Variants in NALF1 observed in about 807,000 individuals in gnomAD.
NALF1 encodes NALCN channel auxiliary factor 1.
Under a neutral mutation model 48.4 loss-of-function variants are expected in NALF1, and 3 were observed. That is an observed-to-expected ratio of 0.06 (90% CI 0.03 to 0.16). The LOEUF (loss-of-function observed/expected upper bound fraction) is 0.16. NALF1 is among the 10% of genes least tolerant of loss of function. The probability of loss-of-function intolerance (pLI) is 1.00; values close to 1 mark genes in which losing one functional copy is unlikely to be tolerated. For missense variants in NALF1, 526 were observed against 571.5 expected, an observed-to-expected ratio of 0.92 and a Z score of 0.81; for synonymous variants, 262 against 245.7, an observed-to-expected ratio of 1.07 and a Z score of -0.62.
intron 1 of NALF1, among the ~76,000 whole-genome samples, chr13:107,795,410 A>C (rs1017018938): frequency 6.6e-6 from 1 of 152,114 alleles, no homozygotes; most frequent in African/African-American, 2.4e-5. Flanking sequence ...CTTAACACAG[A>C]GATTGGAAAG....
rs141413670 is a variant in NALF1, at chr13:107,402,321, C to T, written c.916-191566G>A. On this transcript the variant is annotated intron_variant, in intron 1 of 2. Transcript: ENST00000375915. ...CCAACTACCCAGAAGAACCAAAATCCTGCTAGCAACCACAGAGCTTGGGAA... is the reference window on the plus strand; with the variant it reads ...CCAACTACCCAGAAGAACCAAAATCTTGCTAGCAACCACAGAGCTTGGGAA... Among the ~76,000 whole-genome samples the T allele has an allele frequency of 4.1e-4, 62 of 152,290 alleles. 1 individual carries two copies. In the South Asian group the frequency reaches 9.1e-3, roughly 22 times the overall value.
chr13:107,493,250 T>C (rs1394562186), intron 1 of NALF1, among the ~76,000 whole-genome samples: 8 of 151,806 alleles, frequency 5.3e-5, no homozygotes, highest in Admixed American at 4.6e-4. Context: ...GGAAAAGGAG[T>C]TGTCTGGAAA....
At chr13:107,507,851 T>A (rs912839363) in intron 1 of NALF1, among the ~76,000 whole-genome samples, 1 of 152,160 alleles carries the variant, frequency 6.6e-6, no homozygotes, top group Non-Finnish European at 1.5e-5. Flanking sequence ...CTGCATTAAG[T>A]AGAAGACTAA....
At chr13:107,516,127 G>C (rs1055287755) in intron 1 of NALF1, among the ~76,000 whole-genome samples, 5 of 152,174 alleles carry the variant, frequency 3.3e-5, no homozygotes, top group African/African-American at 1.2e-4. Flanking sequence ...GAAGCTCTTA[G>C]GTATGAACTG....
intron 1 of NALF1, among the ~76,000 whole-genome samples, chr13:107,489,052 A>T (rs1397134306): frequency 6.6e-6 from 1 of 152,202 alleles, no homozygotes; most frequent in Admixed American, 6.5e-5. Context: ...ATACGTAGGA[A>T]TACAGTTAAC....
chr13:107,250,586 T>C (rs553205604), intron 1 of NALF1, among the ~76,000 whole-genome samples: 90 of 152,302 alleles, frequency 5.9e-4, no homozygotes, highest in South Asian at 1.9e-3. Flanking sequence ...TTCTTTGCTG[T>C]AATTTTCAGA....
chr13:107,668,239 T>C (rs539955935), intron 1 of NALF1, among the ~76,000 whole-genome samples: 77 of 152,206 alleles, frequency 5.1e-4, no homozygotes, highest in Middle Eastern at 6.8e-3. Flanking sequence ...GGTTTAAAGA[T>C]GGGAAAATAG....
chr13:107,254,062 A>AAAAAAAAAAATATAT lies in NALF1; in HGVS notation c.916-43308_916-43307insATATATTTTTTTTTT. Among the ~76,000 whole-genome samples, 314 of 138,668 alleles carry AAAAAAAAAAATATAT rather than the reference A, an allele frequency of 2.3e-3. 5 individuals are homozygous for AAAAAAAAAAATATAT. Among genetic ancestry groups the AAAAAAAAAAATATAT allele is most frequent in the African/African-American group, 8.3e-3 (306 of 37,052 alleles). 91.0% of individuals were successfully genotyped at this position (138,668 alleles called of 152,430 possible). ...AGATGTTTAAGGGAGCAAGTACTAA[A>AAAAAAAAAAATATAT]ATATATATATATATATTAAGCACAC... On this transcript the variant is annotated intron_variant, in intron 1 of 2. Coordinates refer to ENST00000375915, the MANE Select transcript of NALF1 (RefSeq NM_001080396.3).
chr13:107,594,973 CATA>C (rs1217881040), intron 1 of NALF1, among the ~76,000 whole-genome samples: 5 of 151,970 alleles, frequency 3.3e-5, no homozygotes, highest in African/African-American at 1.2e-4. Context: ...CTTTCAGATC[CATA>C]GTTTATCTTT....
intron 1 of NALF1, among the ~76,000 whole-genome samples, chr13:107,807,687 A>G (rs1878843996): frequency 6.6e-6 from 1 of 152,236 alleles, no homozygotes; most frequent in African/African-American, 2.4e-5. Context: ...CTCTCTCATT[A>G]ACAGGCTGTC....
At chr13:107,744,199 T>A (rs1414561582) in intron 1 of NALF1, among the ~76,000 whole-genome samples, 1 of 152,160 alleles carries the variant, frequency 6.6e-6, no homozygotes, top group Admixed American at 6.5e-5. Flanking sequence ...CAGTGTGAGA[T>A]CTTGCAAGCT....
At chr13:107,842,752 T>A (rs1880076202) in intron 1 of NALF1, among the ~76,000 whole-genome samples, 2 of 152,108 alleles carry the variant, frequency 1.3e-5, no homozygotes, top group Non-Finnish European at 2.9e-5. Flanking sequence ...AATTCCTTTA[T>A]CTTTCATCAG....
chr13:107,254,412 G>C (rs1388160371), intron 1 of NALF1, among the ~76,000 whole-genome samples: 1 of 152,210 alleles, frequency 6.6e-6, no homozygotes, highest in African/African-American at 2.4e-5. Context: ...ACGATCTGCA[G>C]GGCTGGAGGA....
intron 1 of NALF1, among the ~76,000 whole-genome samples, chr13:107,658,768 A>G (rs937996187): frequency 6.6e-6 from 1 of 152,044 alleles, no homozygotes; most frequent in African/African-American, 2.4e-5. Context: ...ACTTCTTACC[A>G]GTGTTATTAA....
chr13:107,214,337 A>G (rs985488605), intron 1 of NALF1, among the ~76,000 whole-genome samples: 1 of 152,254 alleles, frequency 6.6e-6, no homozygotes, highest in Non-Finnish European at 1.5e-5. Context: ...GTCTTATTTC[A>G]TAAGAACTAT....
intron 1 of NALF1, among the ~76,000 whole-genome samples, chr13:107,405,056 G>C (rs1328873004): frequency 1.3e-5 from 2 of 151,880 alleles, no homozygotes; most frequent in East Asian, 1.9e-4. Context: ...AAATATATAG[G>C]ATCTGTGCAC....
At chr13:107,853,370 T>C (rs992138785) in intron 1 of NALF1, among the ~76,000 whole-genome samples, 1 of 152,208 alleles carries the variant, frequency 6.6e-6, no homozygotes, top group Non-Finnish European at 1.5e-5. Context: ...CAAAACAATG[T>C]TTTAAATCTT....
Position 107,866,181 on chromosome 13 carries a change from C to G in NALF1, c.416G>C (p.Gly139Ala), listed in dbSNP as rs755192279. 23 of 1,603,456 alleles carry G rather than the reference C, an allele frequency of 1.4e-5. No homozygotes were observed. The African/African-American group carries it at 2.8e-4, about 20-fold the overall frequency. The change falls in exon 1 of 3, where the codon GGC (glycine) becomes GCC (alanine). Residue 139 changes from glycine (G) to alanine (A), a missense_variant. Gly to Ala is a moderately conservative substitution (Grantham distance 60). Coordinates refer to ENST00000375915, the MANE Select transcript of NALF1 (RefSeq NM_001080396.3). The surrounding 1 kb of genome is among the most constrained non-coding windows in gnomAD (Gnocchi z 4.4). ...PTLPPSPGDG[G>A]GGGGKGNRGK... is the part of the protein sequence containing the mutation. ...TCGGTTGCCCTTGCCGCCGCCGCCG[C>G]CGCCGTCTCCCGGGGAGGGGGGCAG...
chr13:107,421,787 G>C, intron 1 of NALF1, among the ~76,000 whole-genome samples: 1 of 152,220 alleles, frequency 6.6e-6, no homozygotes, highest in South Asian at 2.1e-4. Flanking sequence ...GTCAATTTTT[G>C]ACCTTTCTTC....
Sources: gnomAD v4.1 joint callset for allele counts (sites outside exome capture counted in the v4.1 genomes callset) on GRCh38, gnomAD v4.1.1 for gene constraint, Gnocchi (gnomAD v3.1) non-coding constraint, MANE v1.5 for transcripts, NCBI Gene and HGNC (gene_info 2026-07-23, HGNC 2026-07-21) for gene names.